SNRPN: variants seen among roughly 807,000 people sequenced by gnomAD.
The protein encoded by SNRPN is small nuclear ribonucleoprotein-associated protein N.
Under a neutral mutation model 25.2 loss-of-function variants are expected in SNRPN, and 7 were observed. The observed-to-expected ratio is 0.28, with a 90% confidence interval of 0.16 to 0.52. The LOEUF (loss-of-function observed/expected upper bound fraction) is 0.52, where lower values mean the gene tolerates loss of function less well. SNRPN is among the 20% of genes least tolerant of loss of function. SNRPN has a pLI of 0.96. For missense variants in SNRPN, 196 were observed against 322.5 expected (o/e 0.61, Z 3.00); for synonymous variants, 124 against 110.6 (o/e 1.12, Z -0.76).
Position 24,977,823 on chromosome 15 carries a change from G to T in SNRPN, c.466G>T (p.Ala156Ser), listed in dbSNP as rs2077237082. The T allele has an allele frequency of 1.2e-6, 2 of 1,613,336 alleles. No individual in the cohort carries two copies. The highest frequency in any genetic ancestry group is 4.5e-5 in the East Asian group (2 of 44,830). ...AGGCACTGTAGCAGCTGCTGCTGTT[G>T]CTGCGACTGCCAGTATTGCTGGAGC... Reference protein sequence around the residue: ...GRGTVAAAAVAATASIAGAPT... With the variant: ...GRGTVAAAAVSATASIAGAPT... Residue 156 changes from alanine to serine, a missense_variant, in exon 8 of 10, where the codon GCT becomes TCT. Ala to Ser is a moderately conservative substitution (Grantham distance 99). Coordinates refer to ENST00000390687, the MANE Select transcript of SNRPN (RefSeq NM_003097.6).
intron 2 of SNRPN, among the ~76,000 whole-genome samples, chr15:24,831,017 G>A (rs2050468560): frequency 6.6e-6 from 1 of 151,952 alleles, no homozygotes; most frequent in Admixed American, 6.6e-5. Flanking sequence ...TTCTGATAGA[G>A]GAGTGTTGAA....
Position 24,828,117 on chromosome 15 carries a change from G to A in SNRPN, c.-686-1681G>A, listed in dbSNP as rs181547519. Among the ~76,000 whole-genome samples the A allele has an allele frequency of 1.2e-4, 19 of 152,098 alleles. No homozygotes were observed. The East Asian group carries it at 3.5e-3, about 28-fold the overall frequency. The stretch of plus-strand genomic sequence containing the variant: ...CTCACATAAAATTTAACACAATATT[G>A]AGATTAACTCATAAATGAAATTATA... On this transcript the variant is annotated intron_variant, in intron 1 of 12. Transcript: ENST00000400100.
At chr15:24,909,801 T>G in intron 2 of SNRPN, 1 of 1,273,160 alleles carries the variant, frequency 7.9e-7, no homozygotes, top group Non-Finnish European at 1.1e-6. Flanking sequence ...TAGGCCTTAT[T>G]CTTAACAACT....
intron 1 of SNRPN, among the ~76,000 whole-genome samples, chr15:24,827,149 G>A (rs2050151761): frequency 6.6e-6 from 1 of 151,992 alleles, no homozygotes; most frequent in East Asian, 1.9e-4. Context: ...GTTCATCCAG[G>A]TGAGTGAGTG....
At chr15:24,861,055 G>T (rs2053940747) in intron 1 of SNRPN, among the ~76,000 whole-genome samples, 1 of 152,166 alleles carries the variant, frequency 6.6e-6, no homozygotes, top group Admixed American at 6.5e-5. Context: ...GTTGCATTGA[G>T]CTGAGATTGT....
intron 1 of SNRPN, among the ~76,000 whole-genome samples, chr15:24,880,256 G>A (rs2056448166): frequency 6.6e-6 from 1 of 152,150 alleles, no homozygotes; most frequent in Non-Finnish European, 1.5e-5. Context: ...AGAGATTGGA[G>A]AAAAGGGCGA....
chr15:24,892,009 A>G (rs1012342823), intron 2 of SNRPN, among the ~76,000 whole-genome samples: 1 of 152,084 alleles, frequency 6.6e-6, no homozygotes, highest in Non-Finnish European at 1.5e-5. Context: ...TGTACTAAAT[A>G]TTAGGCCTAA....
chr15:24,926,919 G>C (rs2060423648), intron 3 of SNRPN, among the ~76,000 whole-genome samples: 1 of 152,046 alleles, frequency 6.6e-6, no homozygotes, highest in African/African-American at 2.4e-5. Context: ...GCTGAGGCAG[G>C]AGGATCGCTT....
upstream of SNRPN, among the ~76,000 whole-genome samples, chr15:24,856,091 C>T (rs140692303): frequency 5.7e-3 from 864 of 151,962 alleles, 7 homozygotes; most frequent in African/African-American, 0.02. Flanking sequence ...GTGAAAATAT[C>T]ACACTATTTT....
At chr15:24,910,874 G>A in intron 2 of SNRPN, 1 of 620,656 alleles carries the variant, frequency 1.6e-6, no homozygotes, top group Admixed American at 2.5e-5. Flanking sequence ...GGTGCTTTTA[G>A]TGCTGCTTTC....
At chr15:24,872,006 T>G (rs2055186191) in intron 1 of SNRPN, among the ~76,000 whole-genome samples, 2 of 120,154 alleles carry the variant, frequency 1.7e-5, no homozygotes, top group Non-Finnish European at 3.7e-5. Context: ...CGCCCGGCCT[T>G]TTGTCCTCTT....
intron 1 of SNRPN, among the ~76,000 whole-genome samples, chr15:24,824,900 G>A (rs903485766): frequency 1.3e-5 from 2 of 152,182 alleles, no homozygotes; most frequent in Admixed American, 1.3e-4. Flanking sequence ...TTGTGCAAAT[G>A]CCAACAGGAT....
At position 24,977,881 on chromosome 15, in the gene SNRPN, C is replaced by G; in HGVS notation, c.524C>G (p.Pro175Arg). 1 of 1,593,466 alleles carries G rather than the reference C, an allele frequency of 6.3e-7. No individual in the cohort carries two copies. The highest frequency in any genetic ancestry group is 8.5e-7 in the Non-Finnish European group (1 of 1,170,176). Residue 175 changes from proline (P) to arginine (R), a missense_variant, in exon 8 of 10, where the codon CCG becomes CGG. By Grantham distance (103) the Pro-to-Arg change is moderately radical. Coordinates refer to ENST00000390687, the MANE Select transcript of SNRPN (RefSeq NM_003097.6). Reference sequence around the variant, plus strand: ...CAGTACCCACCAGGACGGGGCACTCCGCCCCCACCCGTCGGCAGAGCAACC... The same window carrying G: ...CAGTACCCACCAGGACGGGGCACTCGGCCCCCACCCGTCGGCAGAGCAACC... ...PTQYPPGRGT[P>R]PPPVGRATPP...
intron 1 of SNRPN, among the ~76,000 whole-genome samples, chr15:24,828,935 A>C (rs2050293578): frequency 6.6e-6 from 1 of 152,054 alleles, no homozygotes; most frequent in South Asian, 2.1e-4. Flanking sequence ...GGGAGGCTGG[A>C]GAAGAGGCTG....
At chr15:24,881,044 C>T (rs1209503344) in intron 1 of SNRPN, among the ~76,000 whole-genome samples, 3 of 152,116 alleles carry the variant, frequency 2.0e-5, no homozygotes, top group East Asian at 3.9e-4. Context: ...TCCATGCAGG[C>T]TTTACATTTC....
Position 24,837,427 on chromosome 15 carries a change from G to A in SNRPN, c.-579+7522G>A, listed in dbSNP as rs1016711688. ...GTGTAGCCCAGGCTGGAGTGCAGTG[G>A]CTGCGATCTTGGCTCACTGCAAGCT... On this transcript the variant is annotated intron_variant, in intron 2 of 12. Coordinates refer to the SNRPN transcript ENST00000400100. Among the ~76,000 whole-genome samples the A allele has an allele frequency of 3.2e-4, 48 of 151,460 alleles. 1 individual carries two copies. The highest frequency in any genetic ancestry group is 1.1e-3 in the Admixed American group (16 of 15,220).
intron 1 of SNRPN, among the ~76,000 whole-genome samples, chr15:24,873,614 A>ATT (rs1458933495): frequency 1.3e-5 from 2 of 151,790 alleles, no homozygotes; most frequent in East Asian, 3.9e-4. Context: ...CGCCTGCCTA[A>ATT]TTTTTTGTAT....
At chr15:24,839,285 G>A (rs2051472173) in intron 2 of SNRPN, among the ~76,000 whole-genome samples, 1 of 152,054 alleles carries the variant, frequency 6.6e-6, no homozygotes, top group Non-Finnish European at 1.5e-5. Context: ...TATTCCATGA[G>A]AGCATGGCCA....
At chr15:24,926,116 C>T (rs2060362033) in intron 3 of SNRPN, among the ~76,000 whole-genome samples, 1 of 152,122 alleles carries the variant, frequency 6.6e-6, no homozygotes. Context: ...TCAAGCAGTC[C>T]TTCTGTCCAA....
Sources: gnomAD v4.1 joint callset for allele counts (sites outside exome capture counted in the v4.1 genomes callset) on GRCh38, gnomAD v4.1.1 for gene constraint, MANE v1.5 for transcripts, NCBI Gene and HGNC (gene_info 2026-07-23, HGNC 2026-07-21) for gene names.